SORCS2: variants seen among roughly 807,000 people sequenced by gnomAD.
SORCS2 encodes the protein sortilin related VPS10 domain containing receptor 2.
Under a neutral mutation model 141.6 loss-of-function variants are expected in SORCS2, and 100 were observed. The observed-to-expected ratio is 0.71, with a 90% CI of 0.60 to 0.83. The LOEUF (loss-of-function observed/expected upper bound fraction) is 0.83, where lower values mean the gene tolerates loss of function less well. SORCS2 is among the 40% of genes least tolerant of loss of function. SORCS2 has a pLI of 0.00. For missense variants in SORCS2, 1,646 were observed against 1,560.2 expected, an observed-to-expected ratio of 1.05 and a Z score of -0.93; for synonymous variants, 789 against 676.9, an observed-to-expected ratio of 1.17 and a Z score of -2.57.
chr4:7,268,362 GT>G (rs1190582172), intron 1 of SORCS2, among the ~76,000 whole-genome samples: 1 of 152,176 alleles, frequency 6.6e-6, no homozygotes, highest in African/African-American at 2.4e-5. Flanking sequence ...TTCCTGGAAA[GT>G]AATTGACAAG....
chr4:7,418,710 C>G lies in SORCS2; in HGVS notation c.548+22355C>G, dbSNP rs1560268555. Among the ~76,000 whole-genome samples the G allele has an allele frequency of 2.5e-5, 3 of 118,356 alleles. No individual in the cohort carries two copies. The East Asian group carries it at 7.1e-4, about 28-fold the overall frequency. The allele number at this position is 118,356 out of a possible 152,430, so 77.6% of individuals were successfully genotyped here. A position where few individuals can be genotyped will look rare whatever the true frequency, so the allele number is the denominator to read the frequency against. ...TTGCTGCGTAACAAATGACCCCCCC[C>G]CCCACCAGATTTGTAGATTAAAACA... is the stretch of plus-strand genomic sequence containing the variant. On this transcript the variant is annotated intron_variant, in intron 2 of 26. Coordinates refer to ENST00000507866, the MANE Select transcript of SORCS2 (RefSeq NM_020777.3).
intron 1 of SORCS2, among the ~76,000 whole-genome samples, chr4:7,376,116 T>C (rs914943614): frequency 5.3e-5 from 8 of 152,192 alleles, no homozygotes; most frequent in African/African-American, 1.9e-4. Flanking sequence ...TTGGTGACAA[T>C]TGACCTCTGC....
intron 1 of SORCS2, among the ~76,000 whole-genome samples, chr4:7,391,582 T>C (rs1271742988): frequency 1.3e-5 from 2 of 152,102 alleles, no homozygotes; most frequent in Non-Finnish European, 2.9e-5. Context: ...CAGGGTTCTT[T>C]TCCTTCTGGG....
At position 7,379,660 on chromosome 4, in the gene SORCS2, A is replaced by T. The variant is rs550733915; in HGVS notation, c.481-16628A>T. 6.9e-4 allele frequency among the ~76,000 whole-genome samples: 105 copies of T among 152,324 alleles called. 1 individual carries two copies. The highest frequency in any genetic ancestry group is 2.5e-3 in the African/African-American group (102 of 41,590). Reference sequence around the variant, plus strand: ...GGATGGGTAACCTGCCCAAAGCCACATAGCCCAAATGAAGGAGAACCTTCC... The same window carrying T: ...GGATGGGTAACCTGCCCAAAGCCACTTAGCCCAAATGAAGGAGAACCTTCC... On this transcript the variant is annotated intron_variant, in intron 1 of 26. Transcript: ENST00000507866.
At chr4:7,234,980 A>C (rs1340682431) in intron 1 of SORCS2, among the ~76,000 whole-genome samples, 1 of 152,040 alleles carries the variant, frequency 6.6e-6, no homozygotes, top group Non-Finnish European at 1.5e-5. Flanking sequence ...GTGGCAGGGG[A>C]ACTTAGGCCT....
chr4:7,358,783 T>G (rs1392045079), intron 1 of SORCS2, among the ~76,000 whole-genome samples: 3 of 152,238 alleles, frequency 2.0e-5, no homozygotes, highest in Non-Finnish European at 4.4e-5. Flanking sequence ...CCATGGGCAA[T>G]AGAAAAGATG....
chr4:7,302,417 G>A (rs551864777), intron 1 of SORCS2, among the ~76,000 whole-genome samples: 4 of 152,190 alleles, frequency 2.6e-5, no homozygotes, highest in African/African-American at 7.2e-5. Flanking sequence ...CTCCTGCCTC[G>A]GGGCCTTTGT....
chr4:7,426,811 C>T (rs188419841), intron 2 of SORCS2, among the ~76,000 whole-genome samples: 7 of 152,310 alleles, frequency 4.6e-5, no homozygotes, highest in Admixed American at 2.0e-4. Flanking sequence ...GAGGCCCTCC[C>T]GCACCGGCAG....
intron 2 of SORCS2, among the ~76,000 whole-genome samples, chr4:7,406,260 G>A (rs993508323): frequency 4.7e-5 from 7 of 150,284 alleles, no homozygotes; most frequent in African/African-American, 1.7e-4. Context: ...AATGAGTTTG[G>A]AAGTATTCCC....
intron 1 of SORCS2, among the ~76,000 whole-genome samples, chr4:7,301,117 C>T (rs1173761446): frequency 2.0e-5 from 3 of 152,178 alleles, no homozygotes; most frequent in Non-Finnish European, 2.9e-5. Context: ...GGACTGTGTC[C>T]TTCTGTCCCT....
chr4:7,405,134 T>C (rs939788334), intron 2 of SORCS2, among the ~76,000 whole-genome samples: 2 of 152,174 alleles, frequency 1.3e-5, no homozygotes. Context: ...ATTATGTTTT[T>C]GTCAGCTTTG....
At chr4:7,295,984 G>A (rs1420602095) in intron 1 of SORCS2, among the ~76,000 whole-genome samples, 5 of 152,338 alleles carry the variant, frequency 3.3e-5, no homozygotes, top group Admixed American at 6.5e-5. Context: ...GCCAGGAGTC[G>A]TGGAGCAGAG....
chr4:7,574,824 C>T (rs780918880), intron 3 of SORCS2, among the ~76,000 whole-genome samples: 4 of 152,184 alleles, frequency 2.6e-5, no homozygotes, highest in Non-Finnish European at 5.9e-5. Flanking sequence ...CATGCTGTCC[C>T]CAGGGATGAC....
intron 1 of SORCS2, among the ~76,000 whole-genome samples, chr4:7,330,213 A>T (rs907038536): frequency 2.0e-5 from 3 of 151,922 alleles, no homozygotes; most frequent in Non-Finnish European, 4.4e-5. Flanking sequence ...GGCCATCTGG[A>T]TAATCCAGGA....
At chr4:7,245,957 G>A (rs1163320587) in intron 1 of SORCS2, among the ~76,000 whole-genome samples, 1 of 152,162 alleles carries the variant, frequency 6.6e-6, no homozygotes, top group African/African-American at 2.4e-5. Context: ...ACAGACTGGC[G>A]GCGTTTGGTA....
At chr4:7,213,071 G>A (rs1356968424) in intron 1 of SORCS2, among the ~76,000 whole-genome samples, 2 of 152,170 alleles carry the variant, frequency 1.3e-5, no homozygotes, top group Non-Finnish European at 2.9e-5. Context: ...CATTCATGTG[G>A]CAGGGCCACA....
At chr4:7,671,660 C>T (rs1305323792) in intron 8 of SORCS2, among the ~76,000 whole-genome samples, 1 of 152,018 alleles carries the variant, frequency 6.6e-6, no homozygotes, top group Non-Finnish European at 1.5e-5. Context: ...CAATATCAAG[C>T]TGAGGAGCAG....
intron 1 of SORCS2, among the ~76,000 whole-genome samples, chr4:7,351,704 TCCATC>T (rs1384284911): frequency 2.9e-5 from 4 of 135,788 alleles, no homozygotes; most frequent in East Asian, 5.2e-4. Context: ...CATCCATCCA[TCCATC>T]CTTCTACCCA....
At chr4:7,699,491 G>A (rs1352398528) in intron 12 of SORCS2, among the ~76,000 whole-genome samples, 1 of 152,162 alleles carries the variant, frequency 6.6e-6, no homozygotes. Context: ...GGCCAGCTCA[G>A]TACCAAAGGG....
Sources: gnomAD v4.1 joint callset for allele counts (sites outside exome capture counted in the v4.1 genomes callset) on GRCh38, gnomAD v4.1.1 for gene constraint, MANE v1.5 for transcripts, NCBI Gene and HGNC (gene_info 2026-07-23, HGNC 2026-07-21) for gene names.